The following ADCY9 variants were observed in gnomAD, a reference collection of about 807,000 sequenced individuals.
ADCY9 encodes adenylate cyclase type 9.
Under a neutral mutation model 101.5 loss-of-function variants are expected in ADCY9, and 50 were observed. That is an observed-to-expected ratio of 0.49 (90% CI 0.39 to 0.62). ADCY9 has a LOEUF of 0.62. Among genes scored for constraint, ADCY9 ranks in the 20% least tolerant of loss-of-function variants. The pLI is 0.00. For synonymous variants in ADCY9, 905 were observed against 769.3 expected (o/e 1.18, Z -2.92); for missense variants, 1,662 against 1,800.4 (o/e 0.92, Z 1.39).
intron 3 of ADCY9, among the ~76,000 whole-genome samples, chr16:3,997,486 C>A (rs1042101653): frequency 1.3e-4 from 20 of 152,222 alleles, no homozygotes; most frequent in Non-Finnish European, 2.2e-4. Context: ...GAGGCCTGCA[C>A]CCTGCAGTGA....
At chr16:3,994,401 C>T (rs754194823) in intron 3 of ADCY9, among the ~76,000 whole-genome samples, 16 of 152,300 alleles carry the variant, frequency 1.1e-4, no homozygotes, top group Non-Finnish European at 2.1e-4. Context: ...GTGATGGTTG[C>T]ACAACCTTGC....
intron 2 of ADCY9, among the ~76,000 whole-genome samples, chr16:4,059,063 TACA>T (rs1385069816): frequency 1.3e-5 from 2 of 152,152 alleles, no homozygotes; most frequent in Admixed American, 6.5e-5. Context: ...TGCCAAATTT[TACA>T]ACAAGCTTAT....
chr16:3,979,305 G>A (rs746648487), intron 7 of ADCY9, 30 bp from the exon 8 acceptor site: 21 of 1,610,356 alleles, frequency 1.3e-5, no homozygotes, highest in Admixed American at 1.7e-5. Flanking sequence ...TAGCAGGAGC[G>A]ACGGGGCCCG....
intron 10 of ADCY9, among the ~76,000 whole-genome samples, chr16:3,970,384 A>G (rs1437314958): frequency 7.3e-5 from 11 of 151,656 alleles, no homozygotes; most frequent in Admixed American, 5.9e-4. Context: ...CTGGAGTGCA[A>G]TGGCGCGACC....
chr16:4,100,736 CTT>C (rs1178833490), intron 2 of ADCY9, among the ~76,000 whole-genome samples: 2 of 116,628 alleles, frequency 1.7e-5, no homozygotes, highest in Admixed American at 9.7e-5. Flanking sequence ...GAGTGAGACT[CTT>C]GTCTCAAAAA....
intron 2 of ADCY9, among the ~76,000 whole-genome samples, chr16:4,080,628 T>C (rs933298479): frequency 6.6e-6 from 1 of 151,886 alleles, no homozygotes; most frequent in Non-Finnish European, 1.5e-5. Context: ...ATGTCTTATA[T>C]AAAATTAGTT....
intron 2 of ADCY9, among the ~76,000 whole-genome samples, chr16:4,097,551 A>ATTTTTTTTT (rs1385822000): frequency 9.8e-5 from 5 of 51,038 alleles, no homozygotes; most frequent in East Asian, 6.9e-4. Flanking sequence ...ATATATATAT[A>ATTTTTTTTT]TATTTTTTTT....
Position 3,992,311 on chromosome 16 carries a change from T to C in ADCY9, c.2042A>G (p.Gln681Arg). Residue 681 changes from glutamine (Q) to arginine (R), a missense_variant, in exon 5 of 11, where the codon CAA becomes CGA. By Grantham distance (43) the Gln-to-Arg change is conservative. Transcript: ENST00000294016. The surrounding 1 kb of genome is among the most constrained non-coding windows in gnomAD (Gnocchi z 4.2). ...CTGACTGTTGGTGAGCTTCTCCTCT[T>C]GGGGAGGGCTGAGGAGCCCGTTCTG... Reference protein sequence around the residue: ...KTQNGLLSPPQEEKLTNSQTS... With the variant: ...KTQNGLLSPPREEKLTNSQTS... 1 of 1,614,054 alleles carries C rather than the reference T, an allele frequency of 6.2e-7. No homozygotes were observed. Among genetic ancestry groups the C allele is most frequent in the South Asian group, 1.1e-5 (1 of 91,078 alleles).
Position 4,057,038 on chromosome 16 carries a change from GC to G in ADCY9, c.1694-49481del, listed in dbSNP as rs375745334. Among the ~76,000 whole-genome samples the G allele has an allele frequency of 8.1e-3, 674 of 83,476 alleles. 14 individuals carry two copies. Among genetic ancestry groups the G allele is most frequent in the Middle Eastern group, 0.021 (3 of 140 alleles). The allele number at this position is 83,476 out of a possible 152,430, so 54.8% of individuals were successfully genotyped here. A position where few individuals can be genotyped will look rare whatever the true frequency, so the allele number is the denominator to read the frequency against. On this transcript the variant is annotated intron_variant, in intron 2 of 10. Transcript: ENST00000294016. Reference sequence around the variant, plus strand: ...TCAGGTAACCTGTACTGATGAAACCGCCCCCCCCCCCCCCGCCAATCTTACT... The same window carrying G: ...TCAGGTAACCTGTACTGATGAAACCGCCCCCCCCCCCCCGCCAATCTTACT...
intron 2 of ADCY9, among the ~76,000 whole-genome samples, chr16:4,105,175 A>C (rs2057068413): frequency 6.6e-6 from 1 of 152,214 alleles, no homozygotes. Context: ...TTCATTTTAC[A>C]AAATATAGTT....
intron 2 of ADCY9, among the ~76,000 whole-genome samples, chr16:4,041,479 C>T (rs376725698): frequency 1.3e-4 from 17 of 126,792 alleles, no homozygotes; most frequent in South Asian, 5.3e-4. Context: ...CGAGCAAGGG[C>T]GACAAAGCAA....
At chr16:4,009,710 G>C (rs1275386887) in intron 2 of ADCY9, among the ~76,000 whole-genome samples, 2 of 152,216 alleles carry the variant, frequency 1.3e-5, no homozygotes, top group Admixed American at 6.5e-5. Context: ...ACGCAGGAGT[G>C]AAGCCATCTT....
At chr16:4,070,942 G>C (rs546854365) in intron 2 of ADCY9, among the ~76,000 whole-genome samples, 1 of 151,788 alleles carries the variant, frequency 6.6e-6, no homozygotes, top group Non-Finnish European at 1.5e-5. Flanking sequence ...GAGAGTCTCC[G>C]TCTCAAAAAA....
At chr16:3,962,411 C>A (rs868831341), downstream of ADCY9, among the ~76,000 whole-genome samples, 24 of 152,122 alleles carry the variant, frequency 1.6e-4, no homozygotes, top group African/African-American at 5.6e-4. Flanking sequence ...TTAAAAAATT[C>A]TGTGTAAAAA....
chr16:3,988,624 G>A lies in ADCY9; in HGVS notation c.2310+370C>T, dbSNP rs944028520. Among the ~76,000 whole-genome samples the A allele has an allele frequency of 2.0e-4, 27 of 136,624 alleles. No homozygotes were observed. In the Middle Eastern group the frequency reaches 0.015, roughly 77 times the overall value. 89.6% of individuals were successfully genotyped at this position (136,624 alleles called of 152,430 possible). A position where few individuals can be genotyped will look rare whatever the true frequency, so the allele number is the denominator to read the frequency against. On this transcript the variant is annotated intron_variant, in intron 6 of 10. Coordinates refer to ENST00000294016, the MANE Select transcript of ADCY9 (RefSeq NM_001116.4). ...GGGGGGGGTTCCTTTACCAGGGCAGGTGTGGGGGCCCCTTCCAAGGCAGGT... is the reference window on the plus strand; with the variant it reads ...GGGGGGGGTTCCTTTACCAGGGCAGATGTGGGGGCCCCTTCCAAGGCAGGT...
chr16:3,958,966 T>G (rs1311036100), downstream of ADCY9, among the ~76,000 whole-genome samples: 1 of 149,662 alleles, frequency 6.7e-6, no homozygotes, highest in East Asian at 2.1e-4. Context: ...GGAGCCACCA[T>G]GCCCTGCCTC....
chr16:3,966,810 GTGGT>G lies in ADCY9; in HGVS notation c.3023_3026del (p.Tyr1008SerfsTer24). On this transcript the variant is annotated frameshift_variant, in exon 11 of 11. Coordinates refer to ENST00000294016, the MANE Select transcript of ADCY9 (RefSeq NM_001116.4). LOFTEE classifies it high-confidence loss of function. ...GGTGAAGATCCGCTTCCACGTCTCC[GTGGT>G]AGTGGAGGCGGTAGCTGACTTCAAA... 1 of 1,614,224 alleles carries G rather than the reference GTGGT, an allele frequency of 6.2e-7. No individual in the cohort carries two copies. The highest frequency in any genetic ancestry group is 8.5e-7 in the Non-Finnish European group (1 of 1,180,042).
Position 3,965,739 on chromosome 16 carries a change from C to T in ADCY9, c.*36G>A. 6.4e-7 allele frequency: 1 copy of T among 1,570,782 alleles called. No homozygotes were observed. Among genetic ancestry groups the T allele is most frequent in the East Asian group, 2.2e-5 (1 of 44,452 alleles). Reference sequence around the variant, plus strand: ...AAATACAAATATTACTGTGTTTCGACAAACAGAGCACCTCGGGCAGCGGGT... The same window carrying T: ...AAATACAAATATTACTGTGTTTCGATAAACAGAGCACCTCGGGCAGCGGGT... On this transcript the variant is annotated 3_prime_UTR_variant, in exon 11 of 11. Transcript: ENST00000294016.
chr16:4,091,036 A>C (rs1482156653), intron 2 of ADCY9, among the ~76,000 whole-genome samples: 1 of 151,790 alleles, frequency 6.6e-6, no homozygotes, highest in African/African-American at 2.4e-5. Context: ...GTAACTTTTT[A>C]CAGGGTCTTC....
Sources: allele counts gnomAD v4.1 joint callset (sites outside exome capture counted in the v4.1 genomes callset), GRCh38; gene constraint gnomAD v4.1.1; non-coding constraint Gnocchi (gnomAD v3.1); transcripts MANE v1.5; gene names NCBI Gene and HGNC (gene_info 2026-07-23, HGNC 2026-07-21).